Variants in ZG16B observed in about 807,000 individuals in gnomAD.
The protein encoded by ZG16B is zymogen granule protein 16B.
A neutral mutation model predicts 7.0 loss-of-function variants in ZG16B; 8 were observed. That is an observed-to-expected ratio of 1.15 (90% CI 0.68 to 2.08). ZG16B has a LOEUF of 2.08. Ranked by LOEUF, ZG16B falls within the 30% of genes most tolerant of loss-of-function variation. ZG16B has a pLI of 0.00. For missense variants in ZG16B, 232 were observed against 211.0 expected, an observed-to-expected ratio of 1.10 and a Z score of -0.62; for synonymous variants, 92 against 86.1, an observed-to-expected ratio of 1.07 and a Z score of -0.38.
Position 2,831,983 on chromosome 16 carries a change from C to T in ZG16B, c.343C>T (p.Gln115Ter). ...RYFYFGKLDG[Q>*]ISSAYPSQEG... ...TTTCTATTTTGGGAAGCTTGATGGC[C>T]AGATCTCCTCTGCCTACCCCAGCCA... is the stretch of plus-strand genomic sequence containing the variant. Residue 115 changes from glutamine (Q) to a stop codon, truncating the protein, a stop_gained, in exon 4 of 4, where the codon CAG (glutamine) becomes TAG (stop). Coordinates refer to ENST00000382280, the MANE Select transcript of ZG16B (RefSeq NM_145252.3). LOFTEE classifies it low-confidence loss of function (END_TRUNC). The T allele has an allele frequency of 6.2e-7, 1 of 1,614,136 alleles. No individual in the cohort carries two copies.
rs2069262749 is a variant in ZG16B, at chr16:2,832,230, T to G, written c.*71T>G. On this transcript the variant is annotated 3_prime_UTR_variant, in exon 4 of 4. Coordinates refer to ENST00000382280, the MANE Select transcript of ZG16B (RefSeq NM_145252.3). ...GGCTGATGGTACTGGAGTAACTGAG[T>G]CGGGACGCTGAATCTGAATCCACCA... is the stretch of plus-strand genomic sequence containing the variant. 1 of 1,540,966 alleles carries G rather than the reference T, an allele frequency of 6.5e-7. No homozygotes were observed. Among genetic ancestry groups the G allele is most frequent in the African/African-American group, 1.4e-5 (1 of 72,538 alleles).
chr16:2,831,867 C>T lies in ZG16B; in HGVS notation c.227C>T (p.Thr76Ile), dbSNP rs1337100734. ...TTAGGTGGGAATACCCAGGAAGTCA[C>T]CCTGCAGCCAGGCGAATACATCACA... ...GALGGNTQEV[T>I]LQPGEYITKV... The change falls in exon 4 of 4, where the codon ACC becomes ATC. Residue 76 changes from threonine to isoleucine, a missense_variant. By Grantham distance (89) the Thr-to-Ile change is moderately conservative. Transcript: ENST00000382280. 3 of 1,614,138 alleles carry T rather than the reference C, an allele frequency of 1.9e-6. No individual in the cohort carries two copies. Among genetic ancestry groups the T allele is most frequent in the East Asian group, 2.2e-5 (1 of 44,876 alleles).
At chr16:2,831,755 C>T (rs1320334283) in intron 3 of ZG16B, 41 bp from the exon 4 acceptor site, 1 of 1,579,302 alleles carries the variant, frequency 6.3e-7, no homozygotes, top group African/African-American at 1.3e-5. Context: ...TGTGCTGGGC[C>T]ATCCCAGATC....
Position 2,832,036 on chromosome 16 carries a change from T to C in ZG16B, c.396T>C (p.Tyr132=), listed in dbSNP as rs776860819. The C allele has an allele frequency of 1.4e-5, 22 of 1,614,186 alleles. No individual in the cohort carries two copies. The South Asian group carries it at 2.2e-4, about 16-fold the overall frequency. The part of the protein sequence containing the change: ...SQEGQVLVGI[Y]GQYQLLGIKS... The stretch of plus-strand genomic sequence containing the variant: ...AGGGGCAGGTGCTGGTGGGCATCTA[T>C]GGCCAGTATCAACTCCTTGGCATCA... The change falls in exon 4 of 4, where the codon TAT becomes TAC. Residue 132 remains tyrosine (Y), a synonymous_variant. Transcript: ENST00000382280.
rs778692531 is a variant in ZG16B, at chr16:2,831,988, C to A, written c.348C>A (p.Ile116=). 6.2e-7 allele frequency: 1 copy of A among 1,614,076 alleles called. No homozygotes were observed. ...YFYFGKLDGQ[I]SSAYPSQEGQ... is the part of the protein sequence containing the mutation. ...ATTTTGGGAAGCTTGATGGCCAGATCTCCTCTGCCTACCCCAGCCAAGAGG... is the reference window on the plus strand; with the variant it reads ...ATTTTGGGAAGCTTGATGGCCAGATATCCTCTGCCTACCCCAGCCAAGAGG... The change falls in exon 4 of 4, where the codon ATC becomes ATA. Residue 116 remains isoleucine (I), a synonymous_variant. Coordinates refer to ENST00000382280, the MANE Select transcript of ZG16B (RefSeq NM_145252.3).
At chr16:2,831,483 G>T (rs1411245064) in intron 3 of ZG16B, among the ~76,000 whole-genome samples, 1 of 152,192 alleles carries the variant, frequency 6.6e-6, no homozygotes, top group African/African-American at 2.4e-5. Flanking sequence ...GACGGCAGCT[G>T]GTGCCTTCTG....
chr16:2,830,651 C>A, intron 2 of ZG16B, 43 bp from the exon 3 acceptor site: 1 of 1,603,734 alleles, frequency 6.2e-7, no homozygotes. Flanking sequence ...CCCCATATCA[C>A]CGCATGGGGA....
At chr16:2,831,687 G>A (rs1314229403) in intron 3 of ZG16B, 109 bp from the exon 4 acceptor site, 1 of 1,476,136 alleles carries the variant, frequency 6.8e-7, no homozygotes, top group Non-Finnish European at 9.1e-7. Context: ...CCCAAAGTCT[G>A]ATGGTGCTGG....
rs1025894081 is a variant in ZG16B, at chr16:2,832,219, G to A, written c.*60G>A. ...TGGGTGGTGGTGGCTGATGGTACTG[G>A]AGTAACTGAGTCGGGACGCTGAATC... On this transcript the variant is annotated 3_prime_UTR_variant, in exon 4 of 4. Coordinates refer to ENST00000382280, the MANE Select transcript of ZG16B (RefSeq NM_145252.3). 6.4e-6 allele frequency: 10 copies of A among 1,557,654 alleles called. 1 individual carries two copies. Among genetic ancestry groups the A allele is most frequent in the Non-Finnish European group, 7.8e-6 (9 of 1,151,566 alleles).
intron 3 of ZG16B, 149 bp downstream of exon 3, chr16:2,830,945 C>A: frequency 1.3e-6 from 1 of 774,374 alleles, no homozygotes; most frequent in Non-Finnish European, 2.1e-6. Flanking sequence ...CTGATGCTTC[C>A]TGGCTGGAGC....
Position 2,830,727 on chromosome 16 carries a change from G to C in ZG16B, c.86G>C (p.Ser29Thr). 2 of 1,614,208 alleles carry C rather than the reference G, an allele frequency of 1.2e-6. No homozygotes were observed. Among genetic ancestry groups the C allele is most frequent in the Non-Finnish European group, 1.7e-6 (2 of 1,180,034 alleles). ...MYGPGGGKYF[S>T]TTEDYDHEIT... ...GGCCCTGGAGGAGGCAAGTATTTCA[G>C]CACCACTGAAGACTACGACCATGAA... is the stretch of plus-strand genomic sequence containing the variant. The change falls in exon 3 of 4, where the codon AGC becomes ACC. Residue 29 changes from serine (S) to threonine (T), a missense_variant. Transcript: ENST00000382280.
chr16:2,831,052 A>G, intron 3 of ZG16B: 1 of 454,990 alleles, frequency 2.2e-6, no homozygotes, highest in Non-Finnish European at 4.0e-6. Flanking sequence ...TAGGAAAGTC[A>G]GGGGAAAGTC....
intron 1 of ZG16B, 42 bp downstream of exon 1, chr16:2,830,370 A>C: frequency 6.2e-7 from 1 of 1,608,280 alleles, no homozygotes; most frequent in Non-Finnish European, 8.5e-7. Context: ...GCAAGGTCAC[A>C]CTGGCCCTTG....
intron 3 of ZG16B, among the ~76,000 whole-genome samples, chr16:2,831,330 G>A (rs867763420): frequency 6.6e-6 from 1 of 152,196 alleles, no homozygotes; most frequent in Admixed American, 6.5e-5. Flanking sequence ...GGGTGAGGGA[G>A]GGGTGAAGAT....
rs368052267 is a variant in ZG16B at position 2,832,169 on chromosome 16, T to C, written c.*10T>C. 1.1e-4 allele frequency: 177 copies of C among 1,607,338 alleles called. 1 individual carries two copies. Among genetic ancestry groups the C allele is most frequent in the Middle Eastern group, 1.8e-4 (1 of 5,580 alleles). On this transcript the variant is annotated 3_prime_UTR_variant, in exon 4 of 4. Transcript: ENST00000382280. ...ACCCGTGGGTCGCTAGGGTGGGGTATGGGGCCATCCGAGCTGAGGCCATCT... is the reference window on the plus strand; with the variant it reads ...ACCCGTGGGTCGCTAGGGTGGGGTACGGGGCCATCCGAGCTGAGGCCATCT...
chr16:2,832,241 A>G lies in ZG16B; in HGVS notation c.*82A>G. The G allele has an allele frequency of 6.6e-7, 1 of 1,525,204 alleles. No homozygotes were observed. Among genetic ancestry groups the G allele is most frequent in the Non-Finnish European group, 8.8e-7 (1 of 1,136,110 alleles). The allele number at this position is 1,525,204 out of a possible 1,614,324, so 94.5% of individuals were successfully genotyped here. ...CTGGAGTAACTGAGTCGGGACGCTG[A>G]ATCTGAATCCACCAATAAATAAAGG... On this transcript the variant is annotated 3_prime_UTR_variant, in exon 4 of 4. Transcript: ENST00000382280.
Position 2,831,871 on chromosome 16 carries a change from G to A in ZG16B, c.231G>A (p.Leu77=), listed in dbSNP as rs1237558681. 7 of 1,614,038 alleles carry A rather than the reference G, an allele frequency of 4.3e-6. No individual in the cohort carries two copies. The Admixed American group carries it at 6.7e-5, about 15-fold the overall frequency. ...ALGGNTQEVT[L]QPGEYITKVF... ...GTGGGAATACCCAGGAAGTCACCCTGCAGCCAGGCGAATACATCACAAAAG... is the reference window on the plus strand; with the variant it reads ...GTGGGAATACCCAGGAAGTCACCCTACAGCCAGGCGAATACATCACAAAAG... Residue 77 remains leucine, a synonymous_variant, in exon 4 of 4, where the codon CTG becomes CTA. Transcript: ENST00000382280.
rs779174736 is a variant in ZG16B, at chr16:2,831,897, T to G, written c.257T>G (p.Val86Gly). ...CAGCCAGGCGAATACATCACAAAAG[T>G]CTTTGTCGCCTTCCAAGCTTTCCTC... ...TLQPGEYITKVFVAFQAFLRG... is the reference protein window; with the variant it reads ...TLQPGEYITKGFVAFQAFLRG... The change falls in exon 4 of 4, where the codon GTC (valine) becomes GGC (glycine). Residue 86 changes from valine (V) to glycine (G), a missense_variant. By Grantham distance (109) the Val-to-Gly change is moderately radical. Transcript: ENST00000382280. 2 of 1,614,018 alleles carry G rather than the reference T, an allele frequency of 1.2e-6. No homozygotes were observed. Among genetic ancestry groups the G allele is most frequent in the Non-Finnish European group, 8.5e-7 (1 of 1,180,000 alleles).
intron 3 of ZG16B, 100 bp from the exon 4 acceptor site, chr16:2,831,696 G>A: frequency 1.3e-6 from 2 of 1,502,838 alleles, no homozygotes; most frequent in South Asian, 2.6e-5. Flanking sequence ...TGATGGTGCT[G>A]GACTCTCTGC....
Sources: gnomAD v4.1 joint callset for allele counts (sites outside exome capture counted in the v4.1 genomes callset) on GRCh38, gnomAD v4.1.1 for gene constraint, MANE v1.5 for transcripts, NCBI Gene and HGNC (gene_info 2026-07-23, HGNC 2026-07-21) for gene names.